Variants in TNN observed in about 807,000 individuals in gnomAD.
The protein encoded by TNN is tenascin-N.
A neutral mutation model predicts 134.4 loss-of-function variants in TNN; 122 were observed. The ratio of observed to expected loss-of-function variants is 0.91; its 90% CI spans 0.78 to 1.06. TNN has a LOEUF of 1.06. Ranked by LOEUF, TNN falls within the 50% of genes least tolerant of loss-of-function variation. TNN has a pLI of 0.00. For synonymous variants in TNN, 710 were observed against 670.3 expected (o/e 1.06, Z -0.91); for missense variants, 1,739 against 1,699.4 (o/e 1.02, Z -0.41).
At chr1:175,074,484 GAAAAAAAAAAAA>G (rs55952749) in intron 1 of TNN, among the ~76,000 whole-genome samples, 1 of 119,038 alleles carries the variant, frequency 8.4e-6, no homozygotes. Context: ...GATCCTGTCT[GAAAAAAAAAAAA>G]AAAAAAAAAA....
chr1:175,082,847 G>A (rs1284811882), intron 4 of TNN, among the ~76,000 whole-genome samples: 1 of 152,140 alleles, frequency 6.6e-6, no homozygotes, highest in African/African-American at 2.4e-5. Context: ...AGAAGGCCAG[G>A]CTCCCTCAGC....
At chr1:175,146,893 G>C in intron 18 of TNN, 38 bp from the exon 19 acceptor site, 1 of 1,487,868 alleles carries the variant, frequency 6.7e-7, no homozygotes, top group Non-Finnish European at 9.0e-7. Context: ...CCTCCTAAGA[G>C]CCTCTTCTTG....
intron 15 of TNN, among the ~76,000 whole-genome samples, chr1:175,133,696 T>TGACTTCATTTTACCCTC (rs1205033243): frequency 1.4e-4 from 21 of 152,344 alleles, no homozygotes; most frequent in African/African-American, 5.0e-4. Context: ...GCTTTTCCCA[T>TGACTTCATTTTACCCTC]GACTTCATTT....
At chr1:175,107,795 G>T (rs1243045651) in intron 9 of TNN, among the ~76,000 whole-genome samples, 1 of 138,928 alleles carries the variant, frequency 7.2e-6, no homozygotes, top group African/African-American at 2.8e-5. Context: ...GGTTCTCCAC[G>T]TCCCCATCAG....
intron 15 of TNN, among the ~76,000 whole-genome samples, chr1:175,134,280 G>A (rs868316653): frequency 2.2e-4 from 33 of 152,080 alleles, no homozygotes; most frequent in African/African-American, 8.0e-4. Context: ...ACTTGGCCAG[G>A]CGCAGTGGCT....
chr1:175,085,904 G>T (rs1259936671), intron 6 of TNN, among the ~76,000 whole-genome samples: 1 of 148,450 alleles, frequency 6.7e-6, no homozygotes, highest in East Asian at 2.0e-4. Context: ...AGAGAATTCT[G>T]GGATTTACAT....
chr1:175,112,910 C>G (rs1675071377), intron 9 of TNN, among the ~76,000 whole-genome samples: 1 of 151,934 alleles, frequency 6.6e-6, no homozygotes, highest in South Asian at 2.1e-4. Context: ...GGCATGAGCC[C>G]TATGCCCGGC....
chr1:175,123,567 C>T lies in TNN; in HGVS notation c.2818C>T (p.Leu940=), dbSNP rs1354482972. ...PVGKEHSSTV[L]TGLRPGMEYM... is the part of the protein sequence containing the mutation. ...GGGGAAGGAGCACAGCAGCACTGTC[C>T]TGACGGGCCTGAGACCAGGCATGGA... The change falls in exon 12 of 19, where the codon CTG becomes TTG. Residue 940 remains leucine (L), a synonymous_variant. Coordinates refer to ENST00000239462, the MANE Select transcript of TNN (RefSeq NM_022093.2). 6.2e-7 allele frequency: 1 copy of T among 1,614,024 alleles called. No individual in the cohort carries two copies. The highest frequency in any genetic ancestry group is 1.7e-4 in the Middle Eastern group (1 of 6,060).
rs1048316870 is a variant in TNN at position 175,105,745 on chromosome 1, A to G, written c.2119+7150A>G. On this transcript the variant is annotated intron_variant, in intron 9 of 18. Coordinates refer to ENST00000239462, the MANE Select transcript of TNN (RefSeq NM_022093.2). ...GGGTTTGTGGGTCAAATTGGTCCCA[A>G]TGGCTTAGGATGCATTTCAAGGGTG... 1.2e-4 allele frequency among the ~76,000 whole-genome samples: 17 copies of G among 145,328 alleles called. 3 individuals carry two copies. Among genetic ancestry groups the G allele is most frequent in the South Asian group, 2.3e-4 (1 of 4,296 alleles).
At chr1:175,121,184 G>A (rs572072070) in intron 11 of TNN, among the ~76,000 whole-genome samples, 29 of 152,260 alleles carry the variant, frequency 1.9e-4, no homozygotes, top group South Asian at 6.2e-4. Context: ...CTACGGTATC[G>A]GACTGTGCCG....
At position 175,118,788 on chromosome 1, in the gene TNN, C is replaced by G. The variant is rs1438460377; in HGVS notation, c.2614C>G (p.Gln872Glu). ...GCACGTGTGGGCCCAGAAGGGGAACCAGGAGAGCAAGAAGGCTGACACCAA... is the reference window on the plus strand; with the variant it reads ...GCACGTGTGGGCCCAGAAGGGGAACGAGGAGAGCAAGAAGGCTGACACCAA... Reference protein sequence around the residue: ...TVHVWAQKGNQESKKADTKAQ... With the variant: ...TVHVWAQKGNEESKKADTKAQ... Residue 872 changes from glutamine to glutamate, a missense_variant, in exon 11 of 19, where the codon CAG (glutamine) becomes GAG (glutamate). Coordinates refer to ENST00000239462, the MANE Select transcript of TNN (RefSeq NM_022093.2). 1.2e-6 allele frequency: 2 copies of G among 1,614,022 alleles called. No individual in the cohort carries two copies. The highest frequency in any genetic ancestry group is 2.2e-5 in the East Asian group (1 of 44,892).
In TNN at chr1:175,079,629, G is replaced by C; in HGVS notation, c.706G>C (p.Asp236His). Residue 236 changes from aspartate (D) to histidine (H), a missense_variant, in exon 3 of 19, where the codon GAC becomes CAC. Coordinates refer to ENST00000239462, the MANE Select transcript of TNN (RefSeq NM_022093.2). Reference sequence around the variant, plus strand: ...CTGCAGCGAGAAGCGCTGTCCCGGCGACTGCAGCGGCCACGGCTTCTGTGA... The same window carrying C: ...CTGCAGCGAGAAGCGCTGTCCCGGCCACTGCAGCGGCCACGGCTTCTGTGA... The part of the protein sequence containing the change: ...EDCSEKRCPG[D>H]CSGHGFCDTG... The C allele has an allele frequency of 1.2e-6, 2 of 1,605,564 alleles. No individual in the cohort carries two copies. The highest frequency in any genetic ancestry group is 1.7e-6 in the Non-Finnish European group (2 of 1,177,244).
intron 4 of TNN, among the ~76,000 whole-genome samples, chr1:175,081,994 A>G (rs918882894): frequency 3.3e-5 from 5 of 152,218 alleles, no homozygotes; most frequent in East Asian, 1.9e-4. Context: ...GTCTGTGTTC[A>G]GAGTTGATCA....
intron 18 of TNN, among the ~76,000 whole-genome samples, chr1:175,145,552 CAAAAAAAA>C (rs3028580): frequency 1.0e-4 from 3 of 28,910 alleles, no homozygotes; most frequent in East Asian, 2.0e-3. Context: ...GACCCTGTCT[CAAAAAAAA>C]AAAAAAAAAA....
Position 175,097,577 on chromosome 1 carries a change from C to G in TNN, c.1749C>G (p.Ser583Arg). Residue 583 changes from serine to arginine, a missense_variant, in exon 8 of 19, where the codon AGC (serine) becomes AGG (arginine). By Grantham distance (110) the Ser-to-Arg change is moderately radical. Transcript: ENST00000239462. ...TREVLVGKEQ[S>R]STVLTGLRPG... ...AGGTTCTGGTGGGGAAGGAGCAGAG[C>G]AGCACTGTCCTGACAGGCCTGAGGC... 6.2e-7 allele frequency: 1 copy of G among 1,614,208 alleles called. No individual in the cohort carries two copies.
At chr1:175,098,659 T>C (rs962214296) in intron 9 of TNN, 64 bp downstream of exon 9, 2 of 1,601,872 alleles carry the variant, frequency 1.2e-6, no homozygotes, top group Non-Finnish European at 1.7e-6. Context: ...TGGGGTTTTC[T>C]TCTCTGACCT....
intron 6 of TNN, among the ~76,000 whole-genome samples, chr1:175,092,159 T>C (rs970507909): frequency 1.5e-4 from 23 of 152,210 alleles, no homozygotes; most frequent in African/African-American, 5.3e-4. Flanking sequence ...TTTCCCCAGA[T>C]TGAGATATTG....
intron 12 of TNN, among the ~76,000 whole-genome samples, chr1:175,124,589 G>A (rs1350208575): frequency 1.3e-5 from 2 of 152,178 alleles, no homozygotes; most frequent in Admixed American, 6.5e-5. Context: ...GCTGAGACAG[G>A]AGAATTGCTT....
intron 15 of TNN, among the ~76,000 whole-genome samples, chr1:175,133,384 A>G (rs1675722503): frequency 6.6e-6 from 1 of 152,156 alleles, no homozygotes; most frequent in South Asian, 2.1e-4. Context: ...GCTTCTGTCC[A>G]TATCTCACAC....
Sources: allele counts gnomAD v4.1 joint callset (sites outside exome capture counted in the v4.1 genomes callset), GRCh38; gene constraint gnomAD v4.1.1; transcripts MANE v1.5; gene names NCBI Gene and HGNC (gene_info 2026-07-23, HGNC 2026-07-21).